XKR6: variants seen among roughly 807,000 people sequenced by gnomAD.
XKR6 encodes XK related 6, also known as XK-related protein 6.
In XKR6, 22 loss-of-function variants were observed where a neutral mutation model predicts 56.7. The observed-to-expected ratio is 0.39, with a 90% CI of 0.28 to 0.55. XKR6 has a LOEUF of 0.55. XKR6 is among the 20% of genes least tolerant of loss of function. The pLI, the probability that XKR6 is intolerant of heterozygous loss-of-function variation, is 0.66. For synonymous variants in XKR6, 524 were observed against 387.8 expected, an observed-to-expected ratio of 1.35 and a Z score of -4.13; for missense variants, 852 against 889.0, an observed-to-expected ratio of 0.96 and a Z score of 0.53.
intron 1 of XKR6, chr8:11,108,248 G>T (rs775299615): frequency 2.2e-6 from 1 of 455,808 alleles, no homozygotes; most frequent in South Asian, 1.6e-5. Context: ...AATCTGTAAG[G>T]AATAAGGAAG....
At chr8:11,017,341 C>G (rs1435025785) in intron 1 of XKR6, among the ~76,000 whole-genome samples, 1 of 152,208 alleles carries the variant, frequency 6.6e-6, no homozygotes, top group Non-Finnish European at 1.5e-5. Context: ...GCAACCTCCT[C>G]AATAGACACG....
intron 1 of XKR6, among the ~76,000 whole-genome samples, chr8:11,139,356 A>G (rs2116927456): frequency 6.6e-6 from 1 of 152,268 alleles, no homozygotes; most frequent in African/African-American, 2.4e-5. Context: ...GGAGGCAGTG[A>G]CCAGGCCCCA....
intron 1 of XKR6, among the ~76,000 whole-genome samples, chr8:10,957,485 C>A (rs1339577165): frequency 6.6e-6 from 1 of 152,186 alleles, no homozygotes; most frequent in Non-Finnish European, 1.5e-5. Flanking sequence ...CCCACCTGCT[C>A]CCTCAGCAAT....
At chr8:11,018,839 T>C (rs973370634) in intron 1 of XKR6, among the ~76,000 whole-genome samples, 1 of 152,182 alleles carries the variant, frequency 6.6e-6, no homozygotes, top group Non-Finnish European at 1.5e-5. Flanking sequence ...CCTAGCGACC[T>C]GCCTTGCTGC....
intron 1 of XKR6, among the ~76,000 whole-genome samples, chr8:10,950,221 C>T (rs1261249366): frequency 6.6e-6 from 1 of 152,208 alleles, no homozygotes; most frequent in African/African-American, 2.4e-5. Context: ...GCTGCCATTA[C>T]CACCTGGCCA....
intron 1 of XKR6, among the ~76,000 whole-genome samples, chr8:11,139,280 CA>C (rs569013547): frequency 1.6e-3 from 236 of 152,242 alleles, no homozygotes; most frequent in African/African-American, 5.5e-3. Context: ...TAGCAAAACC[CA>C]AAGTCAGACA....
chr8:11,164,891 C>A (rs1290488355), intron 1 of XKR6, among the ~76,000 whole-genome samples: 2 of 152,112 alleles, frequency 1.3e-5, no homozygotes, highest in Non-Finnish European at 2.9e-5. Flanking sequence ...GCTTTGCTTA[C>A]AAATCTGTGA....
chr8:11,025,519 G>C (rs1257226096), intron 1 of XKR6, among the ~76,000 whole-genome samples: 1 of 152,282 alleles, frequency 6.6e-6, no homozygotes, highest in East Asian at 1.9e-4. Flanking sequence ...AGCTTAGAGT[G>C]GGGGCGGCCT....
At position 11,117,450 on chromosome 8, in the gene XKR6, G is replaced by A. The variant is rs541899806; in HGVS notation, c.764+83126C>T. 2.6e-5 allele frequency among the ~76,000 whole-genome samples: 4 copies of A among 152,252 alleles called. No homozygotes were observed. The East Asian group carries it at 7.7e-4, about 29-fold the overall frequency. On this transcript the variant is annotated intron_variant, in intron 1 of 2. Coordinates refer to ENST00000416569, the MANE Select transcript of XKR6 (RefSeq NM_173683.4). The stretch of plus-strand genomic sequence containing the variant: ...AATCCCAAACTGAAGGATTCCACAG[G>A]AAGAAAACAGAATGTCTGAATGACG...
At chr8:11,050,035 T>C (rs562159081) in intron 1 of XKR6, among the ~76,000 whole-genome samples, 6 of 152,240 alleles carry the variant, frequency 3.9e-5, no homozygotes, top group Admixed American at 1.3e-4. Flanking sequence ...TAGGAGCTGC[T>C]CCCTGGCCTT....
Position 11,137,314 on chromosome 8 carries a change from T to C in XKR6, c.764+63262A>G, listed in dbSNP as rs115985323. Reference sequence around the variant, plus strand: ...TTAATTTATTCAAGAAACCAATACATATCAGAGCATAAGTGAGAAAAAGAA... The same window carrying C: ...TTAATTTATTCAAGAAACCAATACACATCAGAGCATAAGTGAGAAAAAGAA... On this transcript the variant is annotated intron_variant, in intron 1 of 2. Transcript: ENST00000416569. 417 of 301,682 alleles carry C rather than the reference T, an allele frequency of 1.4e-3. 1 individual carries two copies. Among genetic ancestry groups the C allele is most frequent in the African/African-American group, 8.9e-3 (397 of 44,830 alleles). 18.7% of individuals were successfully genotyped at this position (301,682 alleles called of 1,614,324 possible).
chr8:11,061,912 T>C (rs1473591073), intron 1 of XKR6, among the ~76,000 whole-genome samples: 1 of 152,206 alleles, frequency 6.6e-6, no homozygotes, highest in Non-Finnish European at 1.5e-5. Context: ...CATCAGCTGC[T>C]GCTGCTCTTA....
At chr8:11,011,406 C>T (rs1018771284) in intron 1 of XKR6, among the ~76,000 whole-genome samples, 12 of 152,126 alleles carry the variant, frequency 7.9e-5, no homozygotes, top group Admixed American at 3.3e-4. Flanking sequence ...ACACAGCGGA[C>T]GAGGCTGGAA....
intron 1 of XKR6, among the ~76,000 whole-genome samples, chr8:11,130,721 A>C (rs1800063917): frequency 1.3e-5 from 2 of 151,934 alleles, no homozygotes; most frequent in African/African-American, 2.4e-5. Flanking sequence ...CTTCCATCAC[A>C]AGCCAAGGGA....
intron 1 of XKR6, among the ~76,000 whole-genome samples, chr8:11,005,053 G>C (rs1315650495): frequency 6.6e-6 from 1 of 152,098 alleles, no homozygotes; most frequent in Non-Finnish European, 1.5e-5. Context: ...ATCCATGGGA[G>C]ATACGTTTCA....
chr8:11,171,596 C>T (rs1458582325), intron 1 of XKR6, among the ~76,000 whole-genome samples: 1 of 152,192 alleles, frequency 6.6e-6, no homozygotes, highest in Non-Finnish European at 1.5e-5. Flanking sequence ...TGGCTCTCTC[C>T]TGCTTTCCTT....
chr8:11,102,746 G>A (rs1173313857), intron 1 of XKR6, among the ~76,000 whole-genome samples: 2 of 152,176 alleles, frequency 1.3e-5, no homozygotes, highest in Non-Finnish European at 2.9e-5. Context: ...GACATGGGAA[G>A]AGTTAATGTG....
At chr8:11,083,165 A>G (rs1350288752) in intron 1 of XKR6, among the ~76,000 whole-genome samples, 2 of 152,108 alleles carry the variant, frequency 1.3e-5, no homozygotes, top group Admixed American at 1.3e-4. Flanking sequence ...CAGCACTTCA[A>G]AGTGCCCGTG....
At position 11,074,805 on chromosome 8, in the gene XKR6, C is replaced by T. The variant is rs150416405; in HGVS notation, c.764+125771G>A. Among the ~76,000 whole-genome samples, 770 of 152,316 alleles carry T rather than the reference C, an allele frequency of 5.1e-3. 5 individuals carry two copies. The highest frequency in any genetic ancestry group is 0.016 in the African/African-American group (647 of 41,584). On this transcript the variant is annotated intron_variant, in intron 1 of 2. Transcript: ENST00000416569. The stretch of plus-strand genomic sequence containing the variant: ...CCTCTGTGATAGGATCACAAACTGT[C>T]GCTGAATGAAGTTCTCATGCTGGAG...
Sources: gnomAD v4.1 joint callset for allele counts (sites outside exome capture counted in the v4.1 genomes callset) on GRCh38, gnomAD v4.1.1 for gene constraint, MANE v1.5 for transcripts, NCBI Gene and HGNC (gene_info 2026-07-23, HGNC 2026-07-21) for gene names.